The following LMNTD1 variants were observed in gnomAD, a reference collection of about 807,000 sequenced individuals.
LMNTD1 encodes lamin tail domain containing 1.
Under a neutral mutation model 50.9 loss-of-function variants are expected in LMNTD1, and 35 were observed. The ratio of observed to expected loss-of-function variants is 0.69; its 90% confidence interval spans 0.53 to 0.91. The LOEUF (loss-of-function observed/expected upper bound fraction) is 0.91. Ranked by LOEUF, LMNTD1 falls within the 40% of genes least tolerant of loss-of-function variation. LMNTD1 has a pLI of 0.00. For missense variants in LMNTD1, 470 were observed against 475.5 expected (o/e 0.99, Z 0.11); for synonymous variants, 153 against 161.9 (o/e 0.94, Z 0.42).
chr12:25,491,148 T>G (rs1938870333), intron 9 of LMNTD1, among the ~76,000 whole-genome samples: 1 of 152,214 alleles, frequency 6.6e-6, no homozygotes, highest in African/African-American at 2.4e-5. Context: ...ACCACATAGG[T>G]GCTTGATCAT....
At chr12:25,614,176 G>A (rs1181589339) in intron 1 of LMNTD1, among the ~76,000 whole-genome samples, 3 of 152,138 alleles carry the variant, frequency 2.0e-5, no homozygotes, top group African/African-American at 4.8e-5. Flanking sequence ...GGTAAGCGAT[G>A]TCCTCTTTTT....
chr12:25,600,113 A>G (rs1007045858), intron 1 of LMNTD1, among the ~76,000 whole-genome samples: 1 of 151,886 alleles, frequency 6.6e-6, no homozygotes, highest in African/African-American at 2.4e-5. Flanking sequence ...TAGATGAATG[A>G]AATAGGATAG....
chr12:25,601,176 C>T (rs116970290), intron 1 of LMNTD1, among the ~76,000 whole-genome samples: 2,206 of 152,006 alleles, frequency 0.015, 27 homozygotes, highest in South Asian at 0.028. Flanking sequence ...GATCGTTATG[C>T]TAAGTGAAAT....
At chr12:25,524,014 A>G (rs914679082) in intron 6 of LMNTD1, among the ~76,000 whole-genome samples, 1 of 152,134 alleles carries the variant, frequency 6.6e-6, no homozygotes, top group Non-Finnish European at 1.5e-5. Context: ...GTGCATGAAG[A>G]AGCATGGAGA....
chr12:25,477,397 G>C (rs1938305248), intron 9 of LMNTD1, among the ~76,000 whole-genome samples: 1 of 152,000 alleles, frequency 6.6e-6, no homozygotes, highest in South Asian at 2.1e-4. Context: ...GGATTGGTGG[G>C]GATAAAATCG....
intron 1 of LMNTD1, among the ~76,000 whole-genome samples, chr12:25,570,142 C>T (rs1247163499): frequency 1.3e-5 from 2 of 152,138 alleles, no homozygotes; most frequent in African/African-American, 4.8e-5. Flanking sequence ...CCATCGTTTA[C>T]AAGGCAATTG....
chr12:25,600,548 A>C (rs769463100), intron 1 of LMNTD1, among the ~76,000 whole-genome samples: 20 of 152,206 alleles, frequency 1.3e-4, no homozygotes, highest in Non-Finnish European at 2.1e-4. Flanking sequence ...CAAACTACCC[A>C]TCTGACAAGA....
At chr12:25,645,972 T>C (rs829038) in intron 1 of LMNTD1, among the ~76,000 whole-genome samples, 150,590 of 152,252 alleles carry the variant, frequency 0.99, 74,498 homozygotes, top group Middle Eastern at 1. Context: ...AGAAGGACAA[T>C]GAAAGGATTC....
chr12:25,608,705 G>C (rs904568613), intron 1 of LMNTD1, among the ~76,000 whole-genome samples: 2 of 152,302 alleles, frequency 1.3e-5, no homozygotes, highest in Non-Finnish European at 2.9e-5. Context: ...GAGATCTGCT[G>C]TTAGGCTGAT....
At chr12:25,599,215 T>A (rs1240157583) in intron 1 of LMNTD1, among the ~76,000 whole-genome samples, 1 of 151,846 alleles carries the variant, frequency 6.6e-6, no homozygotes, top group Non-Finnish European at 1.5e-5. Flanking sequence ...AAAAAAATGA[T>A]CATTTCAATG....
intron 9 of LMNTD1, among the ~76,000 whole-genome samples, chr12:25,489,220 C>T (rs1332912360): frequency 6.6e-6 from 1 of 151,526 alleles, no homozygotes; most frequent in African/African-American, 2.4e-5. Context: ...GGCGCCCCTC[C>T]CCCAGACTCG....
intron 1 of LMNTD1, among the ~76,000 whole-genome samples, chr12:25,631,237 T>C (rs1398415304): frequency 6.6e-6 from 1 of 152,070 alleles, no homozygotes; most frequent in Non-Finnish European, 1.5e-5. Flanking sequence ...CAAGGGCATA[T>C]AATCTTGGGA....
intron 4 of LMNTD1, among the ~76,000 whole-genome samples, chr12:25,535,779 G>C (rs2136147904): frequency 6.6e-6 from 1 of 152,108 alleles, no homozygotes; most frequent in Middle Eastern, 3.4e-3. Flanking sequence ...AAAAGACAGA[G>C]ATTTTTCAGA....
rs1465146834 is a variant in LMNTD1, at chr12:25,526,751, T to A, written c.678+18A>T. On this transcript the variant is annotated intron_variant, in intron 5 of 9. Coordinates refer to ENST00000458174, the MANE Select transcript of LMNTD1 (RefSeq NM_001145728.2). The stretch of plus-strand genomic sequence containing the variant: ...CCTGTACAATTCTAATGTACAGTAT[T>A]TATACTCTTATACTCACTGTTACTG... The A allele has an allele frequency of 6.5e-7, 1 of 1,546,288 alleles. No individual in the cohort carries two copies. The highest frequency in any genetic ancestry group is 8.8e-7 in the Non-Finnish European group (1 of 1,132,196).
intron 1 of LMNTD1, among the ~76,000 whole-genome samples, chr12:25,619,710 G>C (rs765708414): frequency 6.6e-6 from 1 of 152,316 alleles, no homozygotes; most frequent in South Asian, 2.1e-4. Flanking sequence ...AGGACGGCAG[G>C]TGGGGCTGGA....
At chr12:25,504,642 A>T (rs778720251) in intron 8 of LMNTD1, among the ~76,000 whole-genome samples, 13 of 152,260 alleles carry the variant, frequency 8.5e-5, no homozygotes, top group African/African-American at 1.7e-4. Context: ...ATGCAAGCTC[A>T]GAAGAATTAT....
intron 1 of LMNTD1, among the ~76,000 whole-genome samples, chr12:25,575,252 G>T (rs1468958252): frequency 6.6e-6 from 1 of 151,992 alleles, no homozygotes; most frequent in East Asian, 1.9e-4. Context: ...ATGAGAGGAG[G>T]GAGAAAATAA....
chr12:25,640,892 C>T (rs989981571), intron 1 of LMNTD1, among the ~76,000 whole-genome samples: 1 of 152,162 alleles, frequency 6.6e-6, no homozygotes, highest in Non-Finnish European at 1.5e-5. Flanking sequence ...TGGTCTCGAT[C>T]TCCTGACCTC....
chr12:25,505,604 T>C (rs759237038), intron 8 of LMNTD1, among the ~76,000 whole-genome samples: 11 of 151,966 alleles, frequency 7.2e-5, no homozygotes, highest in Non-Finnish European at 1.3e-4. Flanking sequence ...TACTTTTGAA[T>C]ATACGATGCA....
Sources: gnomAD v4.1 joint callset for allele counts (sites outside exome capture counted in the v4.1 genomes callset) on GRCh38, gnomAD v4.1.1 for gene constraint, MANE v1.5 for transcripts, NCBI Gene and HGNC (gene_info 2026-07-23, HGNC 2026-07-21) for gene names.